The following SGIP1 variants were observed in gnomAD, a reference collection of about 807,000 sequenced individuals.
SGIP1 encodes the protein SH3-containing GRB2-like protein 3-interacting protein 1.
In SGIP1, 38 loss-of-function variants were observed where a neutral mutation model predicts 107.5. The ratio of observed to expected loss-of-function variants is 0.35; its 90% CI spans 0.27 to 0.46. SGIP1 has a LOEUF of 0.46. Ranked by LOEUF, SGIP1 falls within the 20% of genes least tolerant of loss-of-function variation. The probability of loss-of-function intolerance (pLI) is 1.00; values close to 1 mark genes in which losing one functional copy is unlikely to be tolerated. For synonymous variants in SGIP1, 365 were observed against 366.1 expected (o/e 1.00, Z 0.03); for missense variants, 929 against 1,019.5 (o/e 0.91, Z 1.21).
chr1:66,583,590 T>C (rs2062127978), intron 1 of SGIP1, among the ~76,000 whole-genome samples: 1 of 152,132 alleles, frequency 6.6e-6, no homozygotes, highest in Non-Finnish European at 1.5e-5. Context: ...ACCCTTTCAT[T>C]AGGTAAACTT....
chr1:66,592,189 C>T (rs1315797092), intron 1 of SGIP1, among the ~76,000 whole-genome samples: 2 of 152,200 alleles, frequency 1.3e-5, no homozygotes, highest in Non-Finnish European at 2.9e-5. Context: ...AAGGCCATAT[C>T]TCAGACTATC....
In SGIP1 at chr1:66,545,670, A is replaced by G. The variant is rs556862207; in HGVS notation, c.10+11302A>G. Among the ~76,000 whole-genome samples the G allele has an allele frequency of 3.9e-3, 237 of 60,246 alleles. 3 individuals carry two copies. The highest frequency in any genetic ancestry group is 0.013 in the African/African-American group (217 of 17,114). The allele number at this position is 60,246 out of a possible 152,430, so 39.5% of individuals were successfully genotyped here. A position where few individuals can be genotyped will look rare whatever the true frequency, so the allele number is the denominator to read the frequency against. Reference sequence around the variant, plus strand: ...TGTGTGTGTGTGTGTGTGTGTGTGTATACATACAGAGAGAAAGAGAGAGAG... The same window carrying G: ...TGTGTGTGTGTGTGTGTGTGTGTGTGTACATACAGAGAGAAAGAGAGAGAG... On this transcript the variant is annotated intron_variant, in intron 1 of 24. Coordinates refer to ENST00000371037, the MANE Select transcript of SGIP1 (RefSeq NM_032291.4).
At chr1:66,582,531 T>A (rs1557964922) in intron 1 of SGIP1, among the ~76,000 whole-genome samples, 1 of 151,998 alleles carries the variant, frequency 6.6e-6, no homozygotes, top group Non-Finnish European at 1.5e-5. Flanking sequence ...GAAGATGATT[T>A]TTTTTTTTTG....
chr1:66,743,856 T>C lies in SGIP1; in HGVS notation c.*761T>C, dbSNP rs2094518729. The C allele has an allele frequency of 6.6e-6, 1 of 152,610 alleles. No homozygotes were observed. The allele number at this position is 152,610 out of a possible 1,614,324, so 9.5% of individuals were successfully genotyped here. On this transcript the variant is annotated 3_prime_UTR_variant, in exon 25 of 25. Transcript: ENST00000371037. ...TATTTAAAGTTTAAGTATATTAAATTATAATCAAGAGTAAAGAAGATGTTG... is the reference window on the plus strand; with the variant it reads ...TATTTAAAGTTTAAGTATATTAAATCATAATCAAGAGTAAAGAAGATGTTG...
chr1:66,691,925 C>G (rs944405065), intron 17 of SGIP1, among the ~76,000 whole-genome samples: 1 of 152,126 alleles, frequency 6.6e-6, no homozygotes, highest in African/African-American at 2.4e-5. Flanking sequence ...CTTTGGGAGG[C>G]CGAGGCGGGC....
At chr1:66,641,629 T>C (rs754548746) in intron 5 of SGIP1, among the ~76,000 whole-genome samples, 2 of 152,188 alleles carry the variant, frequency 1.3e-5, no homozygotes, top group Non-Finnish European at 2.9e-5. Context: ...ATAAATGGGA[T>C]AATTCTTTTC....
intron 3 of SGIP1, 129 bp from the exon 4 acceptor site, chr1:66,635,815 G>A (rs765113836): frequency 9.3e-5 from 82 of 880,912 alleles, no homozygotes; most frequent in Non-Finnish European, 1.1e-4. Flanking sequence ...TTGGTAGGCC[G>A]TATGATTTGG....
chr1:66,595,083 C>G (rs1163650158), intron 1 of SGIP1, among the ~76,000 whole-genome samples: 8 of 152,180 alleles, frequency 5.3e-5, no homozygotes, highest in Admixed American at 3.3e-4. Flanking sequence ...ACGCTGTTTA[C>G]TGGGAGCTCC....
intron 1 of SGIP1, among the ~76,000 whole-genome samples, chr1:66,595,372 A>G (rs1441486752): frequency 6.6e-6 from 1 of 152,196 alleles, no homozygotes; most frequent in Non-Finnish European, 1.5e-5. Context: ...AATGGCTCAT[A>G]CTTTTTACTG....
At chr1:66,619,803 C>T (rs1447422939) in intron 1 of SGIP1, among the ~76,000 whole-genome samples, 1 of 152,182 alleles carries the variant, frequency 6.6e-6, no homozygotes, top group Non-Finnish European at 1.5e-5. Flanking sequence ...GTTTGGGACT[C>T]AGCTCCAGGA....
At chr1:66,664,332 G>A (rs1332540272) in intron 8 of SGIP1, among the ~76,000 whole-genome samples, 1 of 151,950 alleles carries the variant, frequency 6.6e-6, no homozygotes, top group Non-Finnish European at 1.5e-5. Context: ...GGAAAATAAG[G>A]CAAATAATAA....
intron 1 of SGIP1, among the ~76,000 whole-genome samples, chr1:66,544,941 G>C (rs2055998160): frequency 6.6e-6 from 1 of 152,070 alleles, no homozygotes; most frequent in Non-Finnish European, 1.5e-5. Context: ...ATGTCTACCA[G>C]GTAGCCAAGC....
intron 17 of SGIP1, 25 bp from the exon 18 acceptor site, chr1:66,695,409 C>T: frequency 6.2e-7 from 1 of 1,614,118 alleles, no homozygotes; most frequent in Non-Finnish European, 8.5e-7. Flanking sequence ...CCCTTCCCAT[C>T]CCGCTTCAAC....
intron 1 of SGIP1, among the ~76,000 whole-genome samples, chr1:66,594,096 A>G (rs1336029251): frequency 6.6e-6 from 1 of 152,184 alleles, no homozygotes; most frequent in African/African-American, 2.4e-5. Context: ...GTATAAGTTT[A>G]GAAATTTTTA....
intron 1 of SGIP1, among the ~76,000 whole-genome samples, chr1:66,565,292 T>C (rs1401846017): frequency 6.6e-6 from 1 of 152,100 alleles, no homozygotes; most frequent in African/African-American, 2.4e-5. Flanking sequence ...TTATCCCTTT[T>C]CTTTCATTTA....
intron 1 of SGIP1, among the ~76,000 whole-genome samples, chr1:66,567,107 A>G (rs1002814997): frequency 6.6e-6 from 1 of 151,950 alleles, no homozygotes; most frequent in Non-Finnish European, 1.5e-5. Context: ...TATCCAGTCT[A>G]TCATTGATGA....
chr1:66,660,475 T>C (rs1256687669), intron 7 of SGIP1, 38 bp from the exon 8 acceptor site: 1 of 1,595,372 alleles, frequency 6.3e-7, no homozygotes, highest in Admixed American at 1.7e-5. Context: ...CCTCTCTCAT[T>C]TTCTCTTTAT....
chr1:66,727,934 A>T (rs2093833043), intron 19 of SGIP1, among the ~76,000 whole-genome samples: 1 of 152,142 alleles, frequency 6.6e-6, no homozygotes, highest in South Asian at 2.1e-4. Context: ...GATGATGGAA[A>T]TGTTCATTTT....
At chr1:66,701,018 C>T (rs1035214463) in intron 18 of SGIP1, among the ~76,000 whole-genome samples, 6 of 152,070 alleles carry the variant, frequency 3.9e-5, no homozygotes, top group African/African-American at 9.7e-5. Flanking sequence ...AAAAAATAAA[C>T]GCTTGGGCAT....
Sources: gnomAD v4.1 joint callset for allele counts (sites outside exome capture counted in the v4.1 genomes callset) on GRCh38, gnomAD v4.1.1 for gene constraint, MANE v1.5 for transcripts, NCBI Gene and HGNC (gene_info 2026-07-23, HGNC 2026-07-21) for gene names.